Variants in UNC13C observed in about 807,000 individuals in gnomAD.
UNC13C encodes unc-13 homolog C.
Under a neutral mutation model 245.4 loss-of-function variants are expected in UNC13C, and 174 were observed. The ratio of observed to expected loss-of-function variants is 0.71; its 90% CI spans 0.63 to 0.80. UNC13C has a LOEUF of 0.80. Among genes scored for constraint, UNC13C ranks in the 30% least tolerant of loss-of-function variants. The pLI is 0.00. For missense variants in UNC13C, 2,829 were observed against 2,602.9 expected (o/e 1.09, Z -1.89); for synonymous variants, 992 against 895.1 (o/e 1.11, Z -1.93).
At chr15:53,927,168 A>T in the UNC13C span, among the ~76,000 whole-genome samples, 1 of 152,212 alleles carries the variant, frequency 6.6e-6, no homozygotes, top group Admixed American at 6.5e-5. Flanking sequence ...CAAAACAGAA[A>T]AGTTAAGTAA....
intron 17 of UNC13C, among the ~76,000 whole-genome samples, chr15:54,357,573 A>G (rs2039124316): frequency 6.6e-6 from 1 of 152,054 alleles, no homozygotes; most frequent in African/African-American, 2.4e-5. Context: ...CTTAAAAGAT[A>G]AAGCAGAAAT....
intron 2 of UNC13C, among the ~76,000 whole-genome samples, chr15:54,097,731 G>A (rs770473511): frequency 2.0e-4 from 30 of 152,218 alleles, no homozygotes; most frequent in Non-Finnish European, 3.8e-4. Context: ...CTCTTGGTCT[G>A]CAAAGGATTT....
At chr15:54,249,759 C>T (rs74013550) in intron 7 of UNC13C, among the ~76,000 whole-genome samples, 3,850 of 152,190 alleles carry the variant, frequency 0.025, 160 homozygotes, top group African/African-American at 0.088. Flanking sequence ...GATCCTTCCC[C>T]GGTGATAGGT....
the UNC13C span, among the ~76,000 whole-genome samples, chr15:53,915,862 T>C: frequency 6.6e-6 from 1 of 152,212 alleles, no homozygotes; most frequent in Non-Finnish European, 1.5e-5. Flanking sequence ...GGTTGAAATC[T>C]ATGCATATGA....
chr15:54,364,131 C>T (rs1364433592), intron 17 of UNC13C, among the ~76,000 whole-genome samples: 1 of 152,012 alleles, frequency 6.6e-6, no homozygotes, highest in Non-Finnish European at 1.5e-5. Flanking sequence ...TTTTGCTTAA[C>T]AGATGCTATA....
At chr15:53,868,072 C>T in the UNC13C span, among the ~76,000 whole-genome samples, 476 of 152,234 alleles carry the variant, frequency 3.1e-3, 7 homozygotes, top group African/African-American at 0.011. Flanking sequence ...TGGGCTCAAG[C>T]GATCTTTCTG....
Position 54,014,792 on chromosome 15 carries a change from G to C in UNC13C, c.1889G>C (p.Ser630Thr), listed in dbSNP as rs749107200. 1.2e-6 allele frequency: 2 copies of C among 1,613,900 alleles called. No homozygotes were observed. Among genetic ancestry groups the C allele is most frequent in the South Asian group, 2.2e-5 (2 of 91,084 alleles). Residue 630 changes from serine (S) to threonine (T), a missense_variant, in exon 2 of 33, where the codon AGT becomes ACT. Ser to Thr is a moderately conservative substitution (Grantham distance 58). Coordinates refer to ENST00000260323, the MANE Select transcript of UNC13C (RefSeq NM_001080534.3). ...ACAGAAACTGTGGATAGTGGAATGA[G>C]TAATGGCATGGTGTGTGCATCTGGA... ...ENTETVDSGM[S>T]NGMVCASGDR...
At chr15:53,953,995 C>T in the UNC13C span, among the ~76,000 whole-genome samples, 1 of 152,186 alleles carries the variant, frequency 6.6e-6, no homozygotes, top group African/African-American at 2.4e-5. Context: ...CTCCGAGCTT[C>T]ATAGTGAAGG....
chr15:54,616,875 T>C (rs552233481), intron 30 of UNC13C, among the ~76,000 whole-genome samples: 30 of 152,046 alleles, frequency 2.0e-4, no homozygotes, highest in Admixed American at 3.3e-4. Context: ...GCTCCATTCA[T>C]GGTAAGGGCC....
chr15:54,138,800 A>C (rs1362217630), intron 2 of UNC13C, among the ~76,000 whole-genome samples: 1 of 151,852 alleles, frequency 6.6e-6, no homozygotes, highest in Non-Finnish European at 1.5e-5. Context: ...GTTCACTATC[A>C]AGGTGTTGGC....
chr15:54,017,356 G>A (rs1315105902), intron 2 of UNC13C, among the ~76,000 whole-genome samples: 2 of 151,890 alleles, frequency 1.3e-5, no homozygotes, highest in East Asian at 1.9e-4. Context: ...TTTGAGAGTC[G>A]GATATCCTTG....
intron 30 of UNC13C, among the ~76,000 whole-genome samples, chr15:54,608,451 A>C (rs1379152812): frequency 1.3e-5 from 2 of 152,194 alleles, no homozygotes; most frequent in African/African-American, 4.8e-5. Flanking sequence ...CAGATCACAA[A>C]AATATCTTCC....
Position 54,265,395 on chromosome 15 carries a change from G to A in UNC13C, c.3717G>A (p.Gly1239=). 6.3e-7 allele frequency: 1 copy of A among 1,588,604 alleles called. No individual in the cohort carries two copies. Among genetic ancestry groups the A allele is most frequent in the Non-Finnish European group, 8.6e-7 (1 of 1,165,474 alleles). The change falls in exon 10 of 33, where the codon GGG becomes GGA. Residue 1239 remains glycine (G), a synonymous_variant. Coordinates refer to ENST00000260323, the MANE Select transcript of UNC13C (RefSeq NM_001080534.3). ...GTCTACAGGCAAAAGATAAAACAGG[G>A]TCTAGTGATCCATATGTTACAGTTC... is the stretch of plus-strand genomic sequence containing the variant. ...AQGLQAKDKT[G]SSDPYVTVQV...
intron 24 of UNC13C, among the ~76,000 whole-genome samples, chr15:54,517,066 T>A (rs1194418113): frequency 2.0e-5 from 3 of 152,134 alleles, no homozygotes; most frequent in African/African-American, 7.2e-5. Flanking sequence ...CCTTTATGCT[T>A]GAATTTTATA....
chr15:54,408,103 A>T (rs2040337718), intron 18 of UNC13C, among the ~76,000 whole-genome samples: 1 of 145,990 alleles, frequency 6.8e-6, no homozygotes, highest in Non-Finnish European at 1.5e-5. Flanking sequence ...CGGGAGGCTG[A>T]GGCAGGAGAG....
the UNC13C span, among the ~76,000 whole-genome samples, chr15:53,879,963 G>C: frequency 6.6e-6 from 1 of 151,256 alleles, no homozygotes; most frequent in African/African-American, 2.5e-5. Context: ...TTGTGTGTGT[G>C]TGTGTGTGTA....
the UNC13C span, among the ~76,000 whole-genome samples, chr15:53,875,251 G>A: frequency 6.6e-6 from 1 of 152,326 alleles, no homozygotes; most frequent in East Asian, 1.9e-4. Context: ...AGAAAGAAAA[G>A]CAGTGTTCAT....
the UNC13C span, among the ~76,000 whole-genome samples, chr15:53,897,638 C>T: frequency 6.6e-6 from 1 of 152,188 alleles, no homozygotes; most frequent in Non-Finnish European, 1.5e-5. Context: ...ACAAGGTCAT[C>T]ACACTGTTAT....
In UNC13C at chr15:54,048,596, T is replaced by G; in HGVS notation, c.2983+32710T>G. On this transcript the variant is annotated intron_variant, in intron 2 of 32. Coordinates refer to ENST00000260323, the MANE Select transcript of UNC13C (RefSeq NM_001080534.3). ...ACTGAAACTTATCAATTTCGCCAAT[T>G]GCTGCATAGCCTATTTCTGTCATAG... is the stretch of plus-strand genomic sequence containing the variant. The G allele has an allele frequency of 1.9e-5, 7 of 378,018 alleles. 1 individual carries two copies. In the South Asian group the frequency reaches 2.0e-4, roughly 11 times the overall value. 23.4% of individuals were successfully genotyped at this position (378,018 alleles called of 1,614,324 possible).
Sources: gnomAD v4.1 joint callset for allele counts (sites outside exome capture counted in the v4.1 genomes callset) on GRCh38, gnomAD v4.1.1 for gene constraint, MANE v1.5 for transcripts, NCBI Gene and HGNC (gene_info 2026-07-23, HGNC 2026-07-21) for gene names.